ARSG: variants seen among roughly 807,000 people sequenced by gnomAD.
ARSG encodes ASG.
A neutral mutation model predicts 50.5 loss-of-function variants in ARSG; 37 were observed. That is an observed-to-expected ratio of 0.73 (90% CI 0.56 to 0.96). The LOEUF is 0.96. Ranked by LOEUF, ARSG falls within the 50% of genes least tolerant of loss-of-function variation. The probability of loss-of-function intolerance (pLI) is 0.00; values close to 1 mark genes in which losing one functional copy is unlikely to be tolerated. For missense variants in ARSG, 629 were observed against 675.3 expected, an observed-to-expected ratio of 0.93 and a Z score of 0.76; for synonymous variants, 225 against 254.6, an observed-to-expected ratio of 0.88 and a Z score of 1.11.
Position 68,356,786 on chromosome 17 carries a change from A to G in ARSG, c.686A>G (p.Gln229Arg). ...CAGAAGTATGCTGAGAAAGCAACCCAGTTCATCCAGCGTGCAAGGTGAGGA... is the reference window on the plus strand; with the variant it reads ...CAGAAGTATGCTGAGAAAGCAACCCGGTTCATCCAGCGTGCAAGGTGAGGA... ...LAQKYAEKAT[Q>R]FIQRASTSGR... is the part of the protein sequence containing the mutation. Residue 229 changes from glutamine to arginine, a missense_variant, in exon 6 of 12, where the codon CAG (glutamine) becomes CGG (arginine). By Grantham distance (43) the Gln-to-Arg change is conservative. Transcript: ENST00000621439. 6.2e-7 allele frequency: 1 copy of G among 1,614,206 alleles called. No homozygotes were observed. Among genetic ancestry groups the G allele is most frequent in the South Asian group, 1.1e-5 (1 of 91,084 alleles).
At chr17:68,439,458 A>C in the ARSG span, among the ~76,000 whole-genome samples, 1 of 152,222 alleles carries the variant, frequency 6.6e-6, no homozygotes, top group Admixed American at 6.5e-5. Context: ...CAGAAAGTAG[A>C]TTAGGGGTTG....
chr17:68,439,202 T>C, the ARSG span, among the ~76,000 whole-genome samples: 1 of 152,194 alleles, frequency 6.6e-6, no homozygotes, highest in Non-Finnish European at 1.5e-5. Flanking sequence ...GGCAGCATTA[T>C]TCATAAGTCA....
chr17:68,278,251 C>T, intron 1 of ARSG: 2 of 1,614,178 alleles, frequency 1.2e-6, no homozygotes, highest in Non-Finnish European at 1.7e-6. Context: ...ACCGCCCAGC[C>T]CCATCCTCCA....
chr17:68,342,011 G>C (rs1190008252), intron 2 of ARSG, among the ~76,000 whole-genome samples: 1 of 151,840 alleles, frequency 6.6e-6, no homozygotes, highest in African/African-American at 2.4e-5. Context: ...GTGGAGATGG[G>C]GTTTCGCCAT....
rs920130763 is a variant in ARSG at position 68,307,315 on chromosome 17, C to T, written c.-179C>T. ...GATGGGGGCCTCATTTCTACAGCCC[C>T]CAACATTCCTATAGCCGTTATCACT... On this transcript the variant is annotated 5_prime_UTR_variant, in exon 2 of 12. Coordinates refer to ENST00000621439, the MANE Select transcript of ARSG (RefSeq NM_001267727.2). The T allele has an allele frequency of 5.1e-6, 3 of 586,062 alleles. No homozygotes were observed. Among genetic ancestry groups the T allele is most frequent in the East Asian group, 2.8e-5 (1 of 35,580 alleles). 36.3% of individuals were successfully genotyped at this position (586,062 alleles called of 1,614,324 possible).
chr17:68,320,289 TA>T (rs1406336852), intron 2 of ARSG, among the ~76,000 whole-genome samples: 279 of 124,822 alleles, frequency 2.2e-3, no homozygotes, highest in Non-Finnish European at 2.1e-3. Flanking sequence ...GACTCCGTCT[TA>T]AAAAAAAAAA....
upstream of ARSG, among the ~76,000 whole-genome samples, chr17:68,287,933 T>C (rs890616417): frequency 1.1e-4 from 16 of 151,014 alleles, no homozygotes; most frequent in African/African-American, 3.9e-4. Flanking sequence ...TTCTCTTCTC[T>C]TCTTCTCTTC....
At chr17:68,327,352 A>G (rs999001536) in intron 2 of ARSG, among the ~76,000 whole-genome samples, 16 of 152,134 alleles carry the variant, frequency 1.1e-4, no homozygotes, top group African/African-American at 3.4e-4. Flanking sequence ...TTATCTTACA[A>G]TGCTGGAGTC....
intron 8 of ARSG, among the ~76,000 whole-genome samples, chr17:68,371,369 T>TG (rs1318760553): frequency 6.6e-6 from 1 of 151,810 alleles, no homozygotes; most frequent in Non-Finnish European, 1.5e-5. Flanking sequence ...GTAAGTAATT[T>TG]GCCCATGTCA....
rs1445918665 is a variant in ARSG, at chr17:68,271,652, T to C, written c.-552+12226T>C. On this transcript the variant is annotated intron_variant, in intron 1 of 11. Coordinates refer to the ARSG transcript ENST00000448504. This position sits in a 1 kb window ranked among gnomAD's most constrained non-coding sequence, Gnocchi z 5.3. ...CCAATGCGCTCCTTCAGAGCCATGATTGCTTGAATAGGCAGGAGTGAAGAA... is the reference window on the plus strand; with the variant it reads ...CCAATGCGCTCCTTCAGAGCCATGACTGCTTGAATAGGCAGGAGTGAAGAA... 23 of 1,610,304 alleles carry C rather than the reference T, an allele frequency of 1.4e-5. No individual in the cohort carries two copies. Among genetic ancestry groups the C allele is most frequent in the Non-Finnish European group, 2.0e-5 (23 of 1,177,042 alleles).
intron 1 of ARSG, among the ~76,000 whole-genome samples, chr17:68,275,221 T>C (rs2145012823): frequency 6.6e-6 from 1 of 152,352 alleles, no homozygotes; most frequent in African/African-American, 2.4e-5. Context: ...CATTTAAATC[T>C]GGCAAATTAG....
At chr17:68,368,209 A>G (rs950747636) in intron 6 of ARSG, among the ~76,000 whole-genome samples, 3 of 152,194 alleles carry the variant, frequency 2.0e-5, no homozygotes, top group African/African-American at 4.8e-5. Flanking sequence ...ACATGTAACT[A>G]ATTGCATATC....
chr17:68,291,669 G>T (rs1265590423), intron 1 of ARSG, 101 bp downstream of exon 1: 1 of 151,756 alleles, frequency 6.6e-6, no homozygotes, highest in Non-Finnish European at 1.5e-5. Flanking sequence ...CTCTGCGCGC[G>T]TGACCCGCCC....
intron 2 of ARSG, among the ~76,000 whole-genome samples, chr17:68,339,235 T>C (rs555386298): frequency 6.6e-6 from 1 of 151,840 alleles, no homozygotes; most frequent in South Asian, 2.1e-4. Flanking sequence ...GAGGTGGAGG[T>C]TGCAGTGAGC....
At chr17:68,395,579 G>C (rs1046896234) in intron 10 of ARSG, among the ~76,000 whole-genome samples, 1 of 152,234 alleles carries the variant, frequency 6.6e-6, no homozygotes, top group South Asian at 2.1e-4. Flanking sequence ...TTTGAGATGA[G>C]CCTCTTTCTA....
Position 68,420,263 on chromosome 17 carries a change from G to A in ARSG, c.1378G>A (p.Asp460Asn). 6.2e-7 allele frequency: 1 copy of A among 1,614,200 alleles called. No individual in the cohort carries two copies. Among genetic ancestry groups the A allele is most frequent in the Non-Finnish European group, 8.5e-7 (1 of 1,180,044 alleles). The change falls in exon 12 of 12, where the codon GAC becomes AAC. Residue 460 changes from aspartate to asparagine, a missense_variant. Physicochemically the swap from Asp to Asn is conservative, Grantham distance 23. Coordinates refer to ENST00000621439, the MANE Select transcript of ARSG (RefSeq NM_001267727.2). ...GTTTCCTCTGATTTTCAACCTGGAA[G>A]ACGATACCGCAGAAGCTGTGCCCCT... ...HKFPLIFNLE[D>N]DTAEAVPLER...
chr17:68,383,657 A>G (rs747368707), intron 8 of ARSG, among the ~76,000 whole-genome samples: 36 of 152,328 alleles, frequency 2.4e-4, no homozygotes, highest in Non-Finnish European at 4.7e-4. Flanking sequence ...CATAAGTCAT[A>G]CATTCCAAAG....
intron 8 of ARSG, among the ~76,000 whole-genome samples, chr17:68,375,128 T>C (rs2080081630): frequency 6.6e-6 from 1 of 152,188 alleles, no homozygotes. Flanking sequence ...GGGATCTTGC[T>C]AACCTACAGT....
At chr17:68,335,774 C>T (rs1263461635) in intron 2 of ARSG, among the ~76,000 whole-genome samples, 1 of 152,100 alleles carries the variant, frequency 6.6e-6, no homozygotes, top group Non-Finnish European at 1.5e-5. Context: ...GAGACATTCC[C>T]AGTGGGGAGA....
Sources: allele counts gnomAD v4.1 joint callset (sites outside exome capture counted in the v4.1 genomes callset), GRCh38; gene constraint gnomAD v4.1.1; non-coding constraint Gnocchi (gnomAD v3.1); transcripts MANE v1.5; gene names NCBI Gene and HGNC (gene_info 2026-07-23, HGNC 2026-07-21).